Variants in CALN1 observed in about 807,000 individuals in gnomAD.
CALN1 encodes the protein calcium-binding protein 8.
A neutral mutation model predicts 30.6 loss-of-function variants in CALN1; 17 were observed. The observed-to-expected ratio is 0.56, with a 90% CI of 0.38 to 0.83. The LOEUF (loss-of-function observed/expected upper bound fraction) is 0.83. CALN1 is among the 40% of genes least tolerant of loss of function. The probability of loss-of-function intolerance (pLI) is 0.00; values close to 1 mark genes in which losing one functional copy is unlikely to be tolerated. For synonymous variants in CALN1, 156 were observed against 131.4 expected, an observed-to-expected ratio of 1.19 and a Z score of -1.28; for missense variants, 291 against 354.9, an observed-to-expected ratio of 0.82 and a Z score of 1.45.
rs1290873239 is a variant in CALN1 at position 71,843,019 on chromosome 7, A to AT, written c.502-32528dup. ...CAGGGTAGTGAGAGGTTGTTATTTC[A>AT]TTTTTTTCTCTGCTAGGCATTAACT... On this transcript the variant is annotated intron_variant, in intron 5 of 6. Coordinates refer to ENST00000395275, the MANE Select transcript of CALN1 (RefSeq NM_031468.4). Among the ~76,000 whole-genome samples the AT allele has an allele frequency of 4.6e-5, 7 of 152,100 alleles. No individual in the cohort carries two copies. The East Asian group carries it at 5.8e-4, about 13-fold the overall frequency.
intron 5 of CALN1, among the ~76,000 whole-genome samples, chr7:72,006,313 G>C (rs762750794): frequency 2.4e-4 from 37 of 152,082 alleles, no homozygotes; most frequent in Non-Finnish European, 4.9e-4. Context: ...TCAGTAAAAG[G>C]CTTCTAACAA....
chr7:72,256,553 C>T (rs565486115), intron 3 of CALN1, among the ~76,000 whole-genome samples: 4 of 152,242 alleles, frequency 2.6e-5, no homozygotes, highest in African/African-American at 9.6e-5. Context: ...CTTGGTTTTT[C>T]CCTTTCACAT....
At chr7:72,217,816 C>CA (rs1256684622) in intron 3 of CALN1, among the ~76,000 whole-genome samples, 39 of 135,894 alleles carry the variant, frequency 2.9e-4, no homozygotes, top group African/African-American at 1.1e-3. Flanking sequence ...CCCAACTCTA[C>CA]AAAAAAATTA....
intron 4 of CALN1, among the ~76,000 whole-genome samples, chr7:72,086,114 C>G (rs967568795): frequency 1.3e-5 from 2 of 152,122 alleles, no homozygotes; most frequent in African/African-American, 4.8e-5. Flanking sequence ...TATGTTAATA[C>G]ATATGAAATC....
At chr7:72,063,160 A>G (rs567005153) in intron 4 of CALN1, among the ~76,000 whole-genome samples, 33 of 152,328 alleles carry the variant, frequency 2.2e-4, no homozygotes, top group Non-Finnish European at 4.1e-4. Flanking sequence ...TGTATCTTGA[A>G]TGTGCTGACC....
chr7:72,042,154 G>C (rs1802170073), intron 4 of CALN1, among the ~76,000 whole-genome samples: 1 of 152,124 alleles, frequency 6.6e-6, no homozygotes, highest in Admixed American at 6.5e-5. Context: ...GTTATGCATT[G>C]GAGAAATTAA....
chr7:72,044,592 C>T (rs1802344495), intron 4 of CALN1, among the ~76,000 whole-genome samples: 2 of 132,936 alleles, frequency 1.5e-5, no homozygotes, highest in Non-Finnish European at 1.5e-5. Context: ...ATAATTTCCG[C>T]TTAAAACTTT....
chr7:72,088,270 T>C (rs1203442010), intron 4 of CALN1, among the ~76,000 whole-genome samples: 2 of 152,138 alleles, frequency 1.3e-5, no homozygotes, highest in African/African-American at 4.8e-5. Flanking sequence ...ACTGGTGACA[T>C]TTTCAAACTT....
intron 3 of CALN1, among the ~76,000 whole-genome samples, chr7:72,276,314 T>C (rs528563472): frequency 3.3e-5 from 5 of 152,214 alleles, no homozygotes; most frequent in African/African-American, 9.6e-5. Context: ...AAGACTCCCA[T>C]AGGTAGGAAA....
chr7:71,795,313 C>A (rs765214883), intron 6 of CALN1, among the ~76,000 whole-genome samples: 3 of 152,146 alleles, frequency 2.0e-5, no homozygotes, highest in Admixed American at 1.3e-4. Context: ...AGCCACTGTG[C>A]GTGCCCGGCC....
At chr7:72,280,808 G>A (rs888148483) in intron 2 of CALN1, among the ~76,000 whole-genome samples, 2 of 152,152 alleles carry the variant, frequency 1.3e-5, no homozygotes, top group African/African-American at 4.8e-5. Context: ...TGCTGTTATT[G>A]CAGGCATAGG....
At chr7:71,930,959 G>C (rs976135954) in intron 5 of CALN1, among the ~76,000 whole-genome samples, 1 of 152,124 alleles carries the variant, frequency 6.6e-6, no homozygotes, top group African/African-American at 2.4e-5. Flanking sequence ...CATGTTTCTA[G>C]ACAGAGGTCT....
intron 1 of CALN1, among the ~76,000 whole-genome samples, chr7:72,419,405 G>A (rs1283372732): frequency 6.6e-6 from 1 of 152,088 alleles, no homozygotes; most frequent in African/African-American, 2.4e-5. Flanking sequence ...TTGGGGCAGG[G>A]CATTTGGCTG....
At chr7:71,885,321 T>G (rs1219238297) in intron 5 of CALN1, among the ~76,000 whole-genome samples, 2 of 152,068 alleles carry the variant, frequency 1.3e-5, no homozygotes, top group Non-Finnish European at 2.9e-5. Flanking sequence ...CTGGCTAATT[T>G]TTTTGTATTT....
chr7:71,910,908 A>G (rs577172891), intron 5 of CALN1, among the ~76,000 whole-genome samples: 8 of 152,316 alleles, frequency 5.3e-5, no homozygotes, highest in Non-Finnish European at 1.0e-4. Context: ...CCCAAACAGA[A>G]AGCAAAAGCC....
intron 2 of CALN1, among the ~76,000 whole-genome samples, chr7:72,383,900 C>T (rs1282776647): frequency 6.6e-6 from 1 of 152,176 alleles, no homozygotes; most frequent in Non-Finnish European, 1.5e-5. Context: ...GCAGAACATG[C>T]AGGTTTGTTA....
chr7:72,129,032 G>A (rs1258111695), intron 3 of CALN1, among the ~76,000 whole-genome samples: 1 of 152,016 alleles, frequency 6.6e-6, no homozygotes, highest in East Asian at 1.9e-4. Context: ...TAAGAACAAA[G>A]GCCAACAAGC....
intron 4 of CALN1, among the ~76,000 whole-genome samples, chr7:72,031,127 G>C (rs975396810): frequency 6.6e-6 from 1 of 152,178 alleles, no homozygotes; most frequent in African/African-American, 2.4e-5. Flanking sequence ...TCCAGCCCCA[G>C]CAGTCTGCCT....
chr7:72,273,314 C>T (rs1797119005), intron 3 of CALN1, among the ~76,000 whole-genome samples: 1 of 150,662 alleles, frequency 6.6e-6, no homozygotes. Context: ...CCCAGCTACT[C>T]AGGAGGCTGA....
Sources: allele counts gnomAD v4.1 joint callset (sites outside exome capture counted in the v4.1 genomes callset), GRCh38; gene constraint gnomAD v4.1.1; transcripts MANE v1.5; gene names NCBI Gene and HGNC (gene_info 2026-07-23, HGNC 2026-07-21).